Variants in FGF14 observed in about 807,000 individuals in gnomAD.
FGF14 encodes the protein fibroblast growth factor 14.
A neutral mutation model predicts 25.5 loss-of-function variants in FGF14; 5 were observed. That is an observed-to-expected ratio of 0.20 (90% CI 0.10 to 0.41). The LOEUF is 0.41. Among genes scored for constraint, FGF14 ranks in the 10% least tolerant of loss-of-function variants. The pLI is 1.00. For missense variants in FGF14, 222 were observed against 320.1 expected, an observed-to-expected ratio of 0.69 and a Z score of 2.34; for synonymous variants, 138 against 118.3, an observed-to-expected ratio of 1.17 and a Z score of -1.08.
Position 102,086,397 on chromosome 13 carries a change from G to A in FGF14, c.209-211101C>T, listed in dbSNP as rs533355961. Among the ~76,000 whole-genome samples the A allele has an allele frequency of 2.5e-3, 378 of 152,138 alleles. 1 individual carries two copies. Among genetic ancestry groups the A allele is most frequent in the Non-Finnish European group, 4.6e-3 (312 of 67,966 alleles). ...TACAAAATATTAGCCGGGCGTGGTG[G>A]CGGGCGCATGTAGTCCCAGCTACTC... On this transcript the variant is annotated intron_variant, in intron 1 of 4. Coordinates refer to the FGF14 transcript ENST00000376131.
intron 1 of FGF14, among the ~76,000 whole-genome samples, chr13:102,110,639 A>G (rs1364374920): frequency 6.6e-6 from 1 of 152,104 alleles, no homozygotes; most frequent in Non-Finnish European, 1.5e-5. Flanking sequence ...AAGTGTGCCA[A>G]TCCTCACTCT....
intron 1 of FGF14, among the ~76,000 whole-genome samples, chr13:101,893,747 G>C (rs2030153451): frequency 6.6e-6 from 1 of 152,162 alleles, no homozygotes; most frequent in Non-Finnish European, 1.5e-5. Context: ...AAAAGGATCA[G>C]AGCCCTACTG....
intron 1 of FGF14, among the ~76,000 whole-genome samples, chr13:102,086,950 A>G (rs926559994): frequency 4.6e-5 from 7 of 152,228 alleles, no homozygotes; most frequent in Admixed American, 3.9e-4. Context: ...TGGGAATCAC[A>G]GCATTCCCCA....
At chr13:102,239,120 A>G (rs2051465802) in intron 1 of FGF14, among the ~76,000 whole-genome samples, 2 of 151,988 alleles carry the variant, frequency 1.3e-5, no homozygotes, top group African/African-American at 4.8e-5. Context: ...GTAAATGACA[A>G]CCCCAAGATC....
intron 1 of FGF14, among the ~76,000 whole-genome samples, chr13:102,099,466 A>G (rs1459173390): frequency 1.3e-5 from 2 of 152,184 alleles, no homozygotes; most frequent in Non-Finnish European, 2.9e-5. Context: ...ATAAAAACAA[A>G]ATAGGACCAA....
Position 101,715,311 on chromosome 13 carries a change from A to G in FGF14, c.*7520T>C. The G allele has an allele frequency of 2.4e-6, 1 of 412,186 alleles. No homozygotes were observed. The highest frequency in any genetic ancestry group is 3.6e-5 in the South Asian group (1 of 27,736). 25.5% of individuals were successfully genotyped at this position (412,186 alleles called of 1,614,324 possible). A position where few individuals can be genotyped will look rare whatever the true frequency, so the allele number is the denominator to read the frequency against. On this transcript the variant is annotated 3_prime_UTR_variant, in exon 5 of 5. Coordinates refer to ENST00000376143, the MANE Select transcript of FGF14 (RefSeq NM_004115.4). The stretch of plus-strand genomic sequence containing the variant: ...AAACAAAATTGTCACCTAAAAGCCT[A>G]GCTGGAGTGATACAGGATGGTGACT...
intron 3 of FGF14, among the ~76,000 whole-genome samples, chr13:101,800,432 G>A (rs1480423257): frequency 6.6e-6 from 1 of 152,140 alleles, no homozygotes; most frequent in Non-Finnish European, 1.5e-5. Flanking sequence ...AGTAATAACA[G>A]TGGATATTAT....
intron 1 of FGF14, among the ~76,000 whole-genome samples, chr13:101,987,360 C>T (rs985169814): frequency 2.0e-5 from 3 of 152,002 alleles, no homozygotes; most frequent in African/African-American, 7.2e-5. Flanking sequence ...CTGCCTTTTT[C>T]CAGAACTCTC....
intron 1 of FGF14, among the ~76,000 whole-genome samples, chr13:102,085,221 C>T (rs983573304): frequency 1.3e-5 from 2 of 151,964 alleles, no homozygotes; most frequent in East Asian, 1.9e-4. Context: ...CTTTTTTCCC[C>T]CACCTCCTAT....
chr13:102,300,651 C>T (rs1242298303), intron 1 of FGF14, among the ~76,000 whole-genome samples: 2 of 152,050 alleles, frequency 1.3e-5, no homozygotes, highest in South Asian at 2.1e-4. Context: ...TAAGCTCTAT[C>T]ATAGTAAGAA....
At chr13:101,889,812 A>G (rs2046180241) in intron 1 of FGF14, among the ~76,000 whole-genome samples, 1 of 152,100 alleles carries the variant, frequency 6.6e-6, no homozygotes, top group Non-Finnish European at 1.5e-5. Context: ...GTTGATTCCA[A>G]CCTCTACATG....
intron 1 of FGF14, among the ~76,000 whole-genome samples, chr13:101,990,306 C>A (rs1004672336): frequency 6.6e-6 from 1 of 152,094 alleles, no homozygotes; most frequent in African/African-American, 2.4e-5. Context: ...ATTGGGTTTT[C>A]ACACAAGGTG....
rs9518574 is a variant in FGF14 at position 101,817,221 on chromosome 13, A to T, written c.408+51504T>A. Among the ~76,000 whole-genome samples the T allele has an allele frequency of 3.3e-5, 5 of 152,126 alleles. No individual in the cohort carries two copies. The South Asian group carries it at 1.0e-3, about 32-fold the overall frequency. On this transcript the variant is annotated intron_variant, in intron 3 of 4. Coordinates refer to ENST00000376143, the MANE Select transcript of FGF14 (RefSeq NM_004115.4). Reference sequence around the variant, plus strand: ...AGAATACTAGCAAAGCTCAGGCTACATCTTCTTTATTTTATATAATCATTG... The same window carrying T: ...AGAATACTAGCAAAGCTCAGGCTACTTCTTCTTTATTTTATATAATCATTG...
At chr13:102,070,143 A>C (rs1418382293) in intron 1 of FGF14, among the ~76,000 whole-genome samples, 1 of 152,244 alleles carries the variant, frequency 6.6e-6, no homozygotes, top group African/African-American at 2.4e-5. Flanking sequence ...CTTACAAAGG[A>C]TTAACCAGAA....
At chr13:102,222,167 G>T (rs1036133902) in intron 1 of FGF14, among the ~76,000 whole-genome samples, 1 of 152,146 alleles carries the variant, frequency 6.6e-6, no homozygotes, top group Non-Finnish European at 1.5e-5. Flanking sequence ...TAAGTATGTA[G>T]TAAGTATTTG....
At chr13:102,071,856 A>G (rs2043167564) in intron 1 of FGF14, among the ~76,000 whole-genome samples, 1 of 152,206 alleles carries the variant, frequency 6.6e-6, no homozygotes, top group Non-Finnish European at 1.5e-5. Flanking sequence ...AGTCCTGAAA[A>G]ATTGTAATAG....
At chr13:101,838,030 C>G (rs769932880) in intron 3 of FGF14, among the ~76,000 whole-genome samples, 1 of 151,946 alleles carries the variant, frequency 6.6e-6, no homozygotes, top group Non-Finnish European at 1.5e-5. Flanking sequence ...CCTAGAATAT[C>G]GGACTCCAAG....
chr13:101,871,998 C>T (rs1223849155), intron 2 of FGF14, among the ~76,000 whole-genome samples: 1 of 151,722 alleles, frequency 6.6e-6, no homozygotes, highest in East Asian at 2.0e-4. Flanking sequence ...GGCCTTTTTC[C>T]CCTCTTCTTA....
At chr13:102,242,065 T>C (rs1353079584) in intron 1 of FGF14, among the ~76,000 whole-genome samples, 1 of 152,112 alleles carries the variant, frequency 6.6e-6, no homozygotes, top group Non-Finnish European at 1.5e-5. Flanking sequence ...GAATTTCAAG[T>C]ACAAAGCATT....
Sources: gnomAD v4.1 joint callset for allele counts (sites outside exome capture counted in the v4.1 genomes callset) on GRCh38, gnomAD v4.1.1 for gene constraint, MANE v1.5 for transcripts, NCBI Gene and HGNC (gene_info 2026-07-23, HGNC 2026-07-21) for gene names.